Variants in SPAG16 observed in about 807,000 individuals in gnomAD.
SPAG16 encodes sperm associated antigen 16, also known as sperm-associated antigen 16 protein.
Under a neutral mutation model 80.4 loss-of-function variants are expected in SPAG16, and 86 were observed. That is an observed-to-expected ratio of 1.07 (90% CI 0.90 to 1.28). SPAG16 has a LOEUF of 1.28. Among genes scored for constraint, SPAG16 ranks in the 50% most tolerant of loss-of-function variants. The probability of loss-of-function intolerance (pLI) is 0.00; values close to 1 mark genes in which losing one functional copy is unlikely to be tolerated. For synonymous variants in SPAG16, 294 were observed against 265.9 expected (o/e 1.11, Z -1.03); for missense variants, 870 against 765.3 (o/e 1.14, Z -1.61).
chr2:213,473,200 C>G (rs1028010461), intron 9 of SPAG16, among the ~76,000 whole-genome samples: 1 of 152,216 alleles, frequency 6.6e-6, no homozygotes, highest in African/African-American at 2.4e-5. Context: ...TGCTAGAGCT[C>G]TACTTGAGTC....
intron 15 of SPAG16, among the ~76,000 whole-genome samples, chr2:214,285,729 G>T (rs745823097): frequency 2.6e-5 from 4 of 151,978 alleles, no homozygotes; most frequent in Non-Finnish European, 4.4e-5. Flanking sequence ...CTTGAACCTG[G>T]GAGGCGGAGG....
intron 9 of SPAG16, among the ~76,000 whole-genome samples, chr2:213,406,693 T>C (rs1290708835): frequency 6.6e-6 from 1 of 152,148 alleles, no homozygotes; most frequent in African/African-American, 2.4e-5. Flanking sequence ...CCCTTCTATG[T>C]AGAAGTAACT....
intron 14 of SPAG16, among the ~76,000 whole-genome samples, chr2:214,144,323 TAA>T (rs2055520816): frequency 6.6e-6 from 1 of 152,016 alleles, no homozygotes; most frequent in Non-Finnish European, 1.5e-5. Context: ...ACAAAAGCTT[TAA>T]TAAATGACGT....
intron 12 of SPAG16, among the ~76,000 whole-genome samples, chr2:213,936,636 A>G (rs1335811728): frequency 2.0e-5 from 3 of 152,186 alleles, no homozygotes; most frequent in African/African-American, 7.2e-5. Flanking sequence ...ATTGTGAGAG[A>G]AAGAGGAAAC....
chr2:214,366,564 A>G (rs1456076668), intron 15 of SPAG16, among the ~76,000 whole-genome samples: 1 of 152,200 alleles, frequency 6.6e-6, no homozygotes, highest in Non-Finnish European at 1.5e-5. Flanking sequence ...CGAGAATTCC[A>G]GTAGATAACT....
At chr2:213,326,008 G>T (rs1246714043) in intron 5 of SPAG16, among the ~76,000 whole-genome samples, 1 of 151,788 alleles carries the variant, frequency 6.6e-6, no homozygotes, top group African/African-American at 2.4e-5. Context: ...TTTATTTGGG[G>T]TAGGCATTAT....
At chr2:214,268,335 G>A (rs1326706908) in intron 15 of SPAG16, among the ~76,000 whole-genome samples, 3 of 151,818 alleles carry the variant, frequency 2.0e-5, no homozygotes, top group African/African-American at 7.2e-5. Context: ...GTATGTTGAA[G>A]AGTTGTCTGC....
rs1342041343 is a variant in SPAG16 at position 213,974,118 on chromosome 2, GT to G, written c.1401-39829del. Among the ~76,000 whole-genome samples the G allele has an allele frequency of 4.6e-5, 7 of 152,208 alleles. No homozygotes were observed. The South Asian group carries it at 8.3e-4, about 18-fold the overall frequency. On this transcript the variant is annotated intron_variant, in intron 12 of 15. Transcript: ENST00000331683. ...AGCTGGAAGAACTGAATAGAATCCT[GT>G]TTTATGAGTATGTAGGCTATTTGTA...
intron 9 of SPAG16, among the ~76,000 whole-genome samples, chr2:213,456,122 T>G (rs2071997384): frequency 6.6e-6 from 1 of 152,230 alleles, no homozygotes; most frequent in African/African-American, 2.4e-5. Context: ...CTTTTGTGCG[T>G]AAGGTATTTT....
intron 10 of SPAG16, among the ~76,000 whole-genome samples, chr2:213,747,451 G>A (rs532749519): frequency 3.9e-5 from 6 of 152,102 alleles, no homozygotes; most frequent in South Asian, 4.2e-4. Flanking sequence ...ACATTTACTC[G>A]CCACTCACTC....
intron 10 of SPAG16, among the ~76,000 whole-genome samples, chr2:213,779,345 G>C (rs962303975): frequency 9.2e-5 from 14 of 152,072 alleles, no homozygotes; most frequent in African/African-American, 2.4e-5. Flanking sequence ...TATGGCTTAA[G>C]CTGCAAATTA....
chr2:213,560,693 C>T (rs1261813214), intron 10 of SPAG16, among the ~76,000 whole-genome samples: 1 of 152,100 alleles, frequency 6.6e-6, no homozygotes, highest in African/African-American at 2.4e-5. Context: ...ATTGTTTCTC[C>T]ACAATGTGAG....
intron 10 of SPAG16, among the ~76,000 whole-genome samples, chr2:213,651,062 T>C (rs1392682924): frequency 6.6e-6 from 1 of 152,186 alleles, no homozygotes; most frequent in African/African-American, 2.4e-5. Flanking sequence ...CTTACTGAGA[T>C]TCAATCTGAG....
chr2:214,272,358 C>T (rs796219803), intron 15 of SPAG16, among the ~76,000 whole-genome samples: 2 of 151,996 alleles, frequency 1.3e-5, no homozygotes, highest in Non-Finnish European at 2.9e-5. Flanking sequence ...AGGTTTGTTA[C>T]ATAGGTATAC....
intron 15 of SPAG16, among the ~76,000 whole-genome samples, chr2:214,287,506 A>G (rs532903567): frequency 1.1e-4 from 16 of 152,348 alleles, no homozygotes; most frequent in African/African-American, 2.6e-4. Context: ...TTTCTTGCCA[A>G]TGCAGCTTGA....
At chr2:214,040,474 G>A (rs895887855) in intron 13 of SPAG16, among the ~76,000 whole-genome samples, 1 of 151,950 alleles carries the variant, frequency 6.6e-6, no homozygotes, top group Admixed American at 6.6e-5. Context: ...GGTGTGTATT[G>A]TTCCCCTCTA....
intron 13 of SPAG16, among the ~76,000 whole-genome samples, chr2:214,051,503 T>A (rs1332386135): frequency 6.6e-6 from 1 of 152,228 alleles, no homozygotes; most frequent in Non-Finnish European, 1.5e-5. Context: ...CCTCCCCATC[T>A]TATTCACTTC....
chr2:213,593,292 A>C (rs543538847), intron 10 of SPAG16, among the ~76,000 whole-genome samples: 68 of 152,236 alleles, frequency 4.5e-4, no homozygotes, highest in East Asian at 4.4e-3. Context: ...CTTTCCTGGA[A>C]CCTGACTAGA....
At chr2:214,036,334 C>T (rs2048697304) in intron 13 of SPAG16, among the ~76,000 whole-genome samples, 2 of 152,162 alleles carry the variant, frequency 1.3e-5, no homozygotes, top group South Asian at 4.1e-4. Context: ...CTTTCCTTGG[C>T]TTAGCACTGG....
Sources: gnomAD v4.1 joint callset for allele counts (sites outside exome capture counted in the v4.1 genomes callset) on GRCh38, gnomAD v4.1.1 for gene constraint, MANE v1.5 for transcripts, NCBI Gene and HGNC (gene_info 2026-07-23, HGNC 2026-07-21) for gene names.